The following TMPRSS15 variants were observed in gnomAD, a reference collection of about 807,000 sequenced individuals.
TMPRSS15 encodes the protein enteropeptidase.
In TMPRSS15, 128 loss-of-function variants were observed where a neutral mutation model predicts 125.3. That is an observed-to-expected ratio of 1.02 (90% confidence interval 0.89 to 1.18). The LOEUF (loss-of-function observed/expected upper bound fraction) is 1.18, where lower values mean the gene tolerates loss of function less well. Ranked by LOEUF, TMPRSS15 falls within the 50% of genes most tolerant of loss-of-function variation. The pLI is 0.00. For synonymous variants in TMPRSS15, 446 were observed against 423.2 expected (o/e 1.05, Z -0.66); for missense variants, 1,283 against 1,212.7 (o/e 1.06, Z -0.86).
intron 1 of TMPRSS15, among the ~76,000 whole-genome samples, chr21:18,422,937 G>A (rs144542177): frequency 5.9e-4 from 90 of 152,262 alleles, no homozygotes; most frequent in African/African-American, 2.0e-3. Flanking sequence ...GGTCTCAAAT[G>A]CTGATGCTGA....
At chr21:18,280,745 G>C (rs564980444) in intron 22 of TMPRSS15, among the ~76,000 whole-genome samples, 1 of 152,164 alleles carries the variant, frequency 6.6e-6, no homozygotes, top group East Asian at 1.9e-4. Flanking sequence ...AAAATAGAGA[G>C]GGCATGCATA....
chr21:18,365,702 C>A (rs1444195371), intron 6 of TMPRSS15, among the ~76,000 whole-genome samples: 1 of 135,846 alleles, frequency 7.4e-6, no homozygotes, highest in East Asian at 2.1e-4. Flanking sequence ...TTCCTTCCTA[C>A]CTTCTCTCTC....
intron 3 of TMPRSS15, among the ~76,000 whole-genome samples, chr21:18,397,487 T>TG (rs755973670): frequency 6.6e-6 from 1 of 152,152 alleles, no homozygotes; most frequent in Non-Finnish European, 1.5e-5. Flanking sequence ...TTATGCCCTC[T>TG]GGGTACACAG....
intron 23 of TMPRSS15, among the ~76,000 whole-genome samples, chr21:18,276,805 GC>G (rs1448805899): frequency 6.7e-6 from 1 of 148,496 alleles, no homozygotes; most frequent in Non-Finnish European, 1.5e-5. Flanking sequence ...TGTCCTCCAG[GC>G]TGGAGTGCAA....
At chr21:18,335,558 C>T (rs2075383687) in intron 13 of TMPRSS15, among the ~76,000 whole-genome samples, 1 of 152,192 alleles carries the variant, frequency 6.6e-6, no homozygotes, top group Non-Finnish European at 1.5e-5. Context: ...AAACACAAGT[C>T]TTGGAAAATG....
At chr21:18,430,440 T>G (rs941724245) in intron 1 of TMPRSS15, among the ~76,000 whole-genome samples, 1 of 152,174 alleles carries the variant, frequency 6.6e-6, no homozygotes, top group Non-Finnish European at 1.5e-5. Context: ...GGTGTTCACC[T>G]AGAATGAAGC....
chr21:18,418,987 G>A (rs960253177), intron 1 of TMPRSS15, among the ~76,000 whole-genome samples: 2 of 152,158 alleles, frequency 1.3e-5, no homozygotes, highest in Non-Finnish European at 2.9e-5. Context: ...TCAGCGTTGA[G>A]CCAGGGGGAA....
intron 3 of TMPRSS15, among the ~76,000 whole-genome samples, chr21:18,397,039 TCTTTAA>T (rs1233806532): frequency 1.3e-5 from 2 of 152,076 alleles, no homozygotes; most frequent in African/African-American, 4.8e-5. Flanking sequence ...TCTTGATCAG[TCTTTAA>T]CTTTTTTTTC....
intron 7 of TMPRSS15, among the ~76,000 whole-genome samples, chr21:18,363,250 T>C (rs1049083655): frequency 6.6e-6 from 1 of 152,244 alleles, no homozygotes; most frequent in Admixed American, 6.5e-5. Flanking sequence ...TGGGGTAACA[T>C]CTTAGGTTCT....
At chr21:18,441,599 T>A (rs2076241613) in intron 1 of TMPRSS15, among the ~76,000 whole-genome samples, 1 of 93,462 alleles carries the variant, frequency 1.1e-5, no homozygotes. Context: ...AGAGCAAGAC[T>A]CCATCTCAAA....
chr21:18,440,654 A>G (rs926104260), intron 1 of TMPRSS15, among the ~76,000 whole-genome samples: 1 of 152,124 alleles, frequency 6.6e-6, no homozygotes, highest in East Asian at 1.9e-4. Flanking sequence ...CAATTTAAAA[A>G]AAATCAGAAA....
intron 4 of TMPRSS15, among the ~76,000 whole-genome samples, chr21:18,381,890 A>G (rs2075896144): frequency 6.6e-6 from 1 of 152,030 alleles, no homozygotes; most frequent in African/African-American, 2.4e-5. Context: ...AGGCTTAATA[A>G]CTGGGTGATA....
At chr21:18,302,570 A>G (rs1397283359) in intron 18 of TMPRSS15, among the ~76,000 whole-genome samples, 1 of 152,230 alleles carries the variant, frequency 6.6e-6, no homozygotes, top group African/African-American at 2.4e-5. Flanking sequence ...CACCCTTAGG[A>G]GTTGATGGCA....
At chr21:18,460,288 A>G (rs1978527473) in intron 1 of TMPRSS15, among the ~76,000 whole-genome samples, 1 of 151,690 alleles carries the variant, frequency 6.6e-6, no homozygotes, top group Non-Finnish European at 1.5e-5. Flanking sequence ...TTTTTTTTGG[A>G]TACCATTTTC....
intron 23 of TMPRSS15, among the ~76,000 whole-genome samples, chr21:18,275,567 T>G (rs538451916): frequency 6.6e-6 from 1 of 152,326 alleles, no homozygotes; most frequent in South Asian, 2.1e-4. Flanking sequence ...GAAGGGCTAG[T>G]AGGAGCGATG....
intron 21 of TMPRSS15, among the ~76,000 whole-genome samples, chr21:18,287,741 A>T (rs1432421931): frequency 6.6e-6 from 1 of 152,212 alleles, no homozygotes; most frequent in Non-Finnish European, 1.5e-5. Flanking sequence ...ACAAGGTTGG[A>T]AGTTGATATA....
chr21:18,346,749 A>G (rs1247486567), intron 10 of TMPRSS15, among the ~76,000 whole-genome samples: 2 of 152,204 alleles, frequency 1.3e-5, no homozygotes, highest in African/African-American at 2.4e-5. Flanking sequence ...TTCCAAGTGC[A>G]TCTCACTTCT....
intron 18 of TMPRSS15, among the ~76,000 whole-genome samples, chr21:18,303,723 A>G (rs961322534): frequency 1.3e-5 from 2 of 152,158 alleles, no homozygotes; most frequent in African/African-American, 4.8e-5. Context: ...ATTACAGATA[A>G]TTTTTGGCAG....
chr21:18,313,859 A>T (rs2146937922), intron 17 of TMPRSS15, among the ~76,000 whole-genome samples: 1 of 150,520 alleles, frequency 6.6e-6, no homozygotes, highest in African/African-American at 2.4e-5. Context: ...AGGAAACTCA[A>T]GTTTAGGGAT....
Sources: allele counts gnomAD v4.1 joint callset (sites outside exome capture counted in the v4.1 genomes callset), GRCh38; gene constraint gnomAD v4.1.1; transcripts MANE v1.5; gene names NCBI Gene and HGNC (gene_info 2026-07-23, HGNC 2026-07-21).